Variants in PRKAG2 observed in about 807,000 individuals in gnomAD.
The protein encoded by PRKAG2 is 5'-AMP-activated protein kinase subunit gamma-2.
PRKAG2 carries 26 observed loss-of-function variants against 69.6 expected under a neutral mutation model. The observed-to-expected ratio is 0.37, with a 90% CI of 0.27 to 0.52. The LOEUF is 0.52. Among genes scored for constraint, PRKAG2 ranks in the 20% least tolerant of loss-of-function variants. The probability of loss-of-function intolerance (pLI) is 0.90; values close to 1 mark genes in which losing one functional copy is unlikely to be tolerated. For missense variants in PRKAG2, 557 were observed against 740.0 expected (o/e 0.75, Z 2.87); for synonymous variants, 293 against 285.0 (o/e 1.03, Z -0.28).
intron 3 of PRKAG2, among the ~76,000 whole-genome samples, chr7:151,697,489 C>T (rs149964633): frequency 5.7e-4 from 87 of 152,216 alleles, no homozygotes; most frequent in African/African-American, 1.8e-3. Context: ...AAGGACCCGC[C>T]GCTGGAAGTG....
At position 151,863,058 on chromosome 7, in the gene PRKAG2, G is replaced by T. The variant is rs183317738; in HGVS notation, c.114+13449C>A. The stretch of plus-strand genomic sequence containing the variant: ...TTGTAGGTCCTGGGGTGCAGGGGGC[G>T]CTGGTAGATCCCTGGGTGCAGGGGG... On this transcript the variant is annotated intron_variant, in intron 1 of 15. Coordinates refer to ENST00000287878, the MANE Select transcript of PRKAG2 (RefSeq NM_016203.4). Among the ~76,000 whole-genome samples the T allele has an allele frequency of 2.1e-3, 284 of 132,774 alleles. 2 individuals are homozygous for T. Among genetic ancestry groups the T allele is most frequent in the African/African-American group, 7.3e-3 (260 of 35,444 alleles). The allele number at this position is 132,774 out of a possible 152,430, so 87.1% of individuals were successfully genotyped here.
rs191517956 is a variant in PRKAG2, at chr7:151,843,245, A to G, written c.114+33262T>C. On this transcript the variant is annotated intron_variant, in intron 1 of 15. Transcript: ENST00000287878. ...TCCACATGTCTAGAACCTGGAACAA[A>G]GCTGCATATAAAAGCAGATGGAACA... Among the ~76,000 whole-genome samples, 19 of 152,298 alleles carry G rather than the reference A, an allele frequency of 1.2e-4. No individual in the cohort carries two copies. The East Asian group carries it at 3.7e-3, about 29-fold the overall frequency.
intron 3 of PRKAG2, among the ~76,000 whole-genome samples, chr7:151,751,143 G>A (rs2074651094): frequency 6.7e-6 from 1 of 148,578 alleles, no homozygotes; most frequent in South Asian, 2.1e-4. Context: ...TGTCGCCCAG[G>A]CTGGAGTGTA....
rs1156709667 is a variant in PRKAG2 at position 151,726,252 on chromosome 7, C to A, written c.467-50615G>T. On this transcript the variant is annotated intron_variant, in intron 3 of 15. Transcript: ENST00000287878. ...GCCTCAACTACCAGGTGAGGCAAAG[C>A]ACCTGCGTGTGCGCAGAGCCGGATG... Among the ~76,000 whole-genome samples, 7 of 152,070 alleles carry A rather than the reference C, an allele frequency of 4.6e-5. 1 individual carries two copies. The highest frequency in any genetic ancestry group is 3.9e-4 in the Admixed American group (6 of 15,274).
chr7:151,783,501 AT>A (rs11341123), intron 2 of PRKAG2, among the ~76,000 whole-genome samples: 79,403 of 148,804 alleles, frequency 0.53, 21,129 homozygotes, highest in East Asian at 0.72. Flanking sequence ...TGCCCAGCTG[AT>A]TTTTTTTTTT....
chr7:151,693,863 A>G (rs2151539088), intron 3 of PRKAG2, among the ~76,000 whole-genome samples: 1 of 152,306 alleles, frequency 6.6e-6, no homozygotes, highest in Admixed American at 6.5e-5. Context: ...AACTGTGAGA[A>G]AGAAATTTCT....
chr7:151,812,717 C>G (rs2078483180), intron 1 of PRKAG2, among the ~76,000 whole-genome samples: 1 of 152,218 alleles, frequency 6.6e-6, no homozygotes. Flanking sequence ...AGTCCACCAG[C>G]CTCCGTTCCC....
chr7:151,858,013 C>G (rs1388085940), intron 1 of PRKAG2, among the ~76,000 whole-genome samples: 1 of 152,230 alleles, frequency 6.6e-6, no homozygotes, highest in African/African-American at 2.4e-5. Flanking sequence ...TCCTTTCCCC[C>G]ACTGCTGGTG....
chr7:151,830,787 C>CGGGGG (rs58030412), intron 1 of PRKAG2, among the ~76,000 whole-genome samples: 1 of 114,496 alleles, frequency 8.7e-6, no homozygotes, highest in African/African-American at 3.8e-5. Flanking sequence ...GGGGGCGGGG[C>CGGGGG]GGGGGGGGGT....
At chr7:151,865,675 G>C (rs1459647826) in intron 1 of PRKAG2, among the ~76,000 whole-genome samples, 1 of 152,198 alleles carries the variant, frequency 6.6e-6, no homozygotes, top group Admixed American at 6.5e-5. Flanking sequence ...CATTATTTAA[G>C]AAGCAAAAAC....
At chr7:151,870,182 C>T (rs1468522383) in intron 1 of PRKAG2, among the ~76,000 whole-genome samples, 2 of 151,734 alleles carry the variant, frequency 1.3e-5, no homozygotes, top group Non-Finnish European at 1.5e-5. Flanking sequence ...GGCAGGCAGG[C>T]AGGCAGGCAG....
At chr7:151,628,710 G>A (rs576356486) in intron 5 of PRKAG2, among the ~76,000 whole-genome samples, 1 of 151,576 alleles carries the variant, frequency 6.6e-6, no homozygotes, top group East Asian at 1.9e-4. Context: ...AGGGAGGGAG[G>A]GAGGGAAAAA....
intron 3 of PRKAG2, among the ~76,000 whole-genome samples, chr7:151,695,032 G>C (rs753918628): frequency 2.0e-5 from 3 of 152,250 alleles, no homozygotes; most frequent in Admixed American, 6.5e-5. Context: ...GACAACGCCA[G>C]ACATTCCTGC....
intron 1 of PRKAG2, among the ~76,000 whole-genome samples, chr7:151,793,917 C>G (rs367760138): frequency 6.6e-6 from 1 of 152,232 alleles, no homozygotes; most frequent in African/African-American, 2.4e-5. Flanking sequence ...TGGCCAAATC[C>G]GGGAAGGCCT....
chr7:151,822,015 C>G (rs2078795590), intron 1 of PRKAG2, among the ~76,000 whole-genome samples: 1 of 152,214 alleles, frequency 6.6e-6, no homozygotes. Context: ...GGGAGGCACC[C>G]CAGTGCGTTC....
chr7:151,565,754 T>G lies in PRKAG2; in HGVS notation c.1365A>C (p.Arg455Ser). 6.2e-7 allele frequency: 1 copy of G among 1,614,006 alleles called. No homozygotes were observed. The highest frequency in any genetic ancestry group is 8.5e-7 in the Non-Finnish European group (1 of 1,179,846). Residue 455 changes from arginine to serine, a missense_variant, in exon 12 of 16, where the codon AGA becomes AGC. Arg to Ser is a moderately radical substitution (Grantham distance 110). Transcript: ENST00000287878. ...IIKALNIFVERRISALPVVDE... is the reference protein window; with the variant it reads ...IIKALNIFVESRISALPVVDE... ...CCACAACAGGCAGAGCTGATATTCG[T>G]CTTTCCACAAATATGTTCAAGGCTT...
intron 3 of PRKAG2, among the ~76,000 whole-genome samples, chr7:151,676,456 G>A (rs867668): frequency 0.57 from 86,447 of 151,806 alleles, 25,082 homozygotes; most frequent in Non-Finnish European, 0.62. Flanking sequence ...AAGGGAGGGG[G>A]CAAATAATGG....
chr7:151,576,193 G>T, intron 7 of PRKAG2, 178 bp downstream of exon 7: 1 of 674,034 alleles, frequency 1.5e-6, no homozygotes, highest in South Asian at 1.7e-5. Context: ...TCCCTGCCTT[G>T]GCCTCCCAAA....
At chr7:151,823,694 C>T (rs1197194983) in intron 1 of PRKAG2, among the ~76,000 whole-genome samples, 4 of 152,102 alleles carry the variant, frequency 2.6e-5, no homozygotes, top group Admixed American at 1.3e-4. Context: ...CTGGAAACTT[C>T]CACAGCCTGA....
Sources: allele counts gnomAD v4.1 joint callset (sites outside exome capture counted in the v4.1 genomes callset), GRCh38; gene constraint gnomAD v4.1.1; transcripts MANE v1.5; gene names NCBI Gene and HGNC (gene_info 2026-07-23, HGNC 2026-07-21).